COG5: variants seen among roughly 807,000 people sequenced by gnomAD.
COG5 encodes the protein conserved oligomeric Golgi complex subunit 5.
In COG5, 86 loss-of-function variants were observed where a neutral mutation model predicts 110.4. The observed-to-expected ratio is 0.78, with a 90% CI of 0.65 to 0.93. COG5 has a LOEUF of 0.93. Ranked by LOEUF, COG5 falls within the 40% of genes least tolerant of loss-of-function variation. COG5 has a pLI of 0.00. For missense variants in COG5, 1,077 were observed against 987.0 expected, an observed-to-expected ratio of 1.09 and a Z score of -1.22; for synonymous variants, 360 against 334.6, an observed-to-expected ratio of 1.08 and a Z score of -0.83.
intron 6 of COG5, among the ~76,000 whole-genome samples, chr7:107,428,380 G>A (rs1793791913): frequency 1.3e-5 from 2 of 152,120 alleles, no homozygotes; most frequent in Non-Finnish European, 2.9e-5. Context: ...TTTGGACCCA[G>A]CTACAGAGAG....
At chr7:107,453,714 G>A (rs1795493496) in intron 6 of COG5, among the ~76,000 whole-genome samples, 1 of 152,022 alleles carries the variant, frequency 6.6e-6, no homozygotes, top group African/African-American at 2.4e-5. Context: ...AGCACAATAT[G>A]GCACAGATTT....
Position 107,203,589 on chromosome 7 carries a change from T to C in COG5, c.2417A>G (p.Glu806Gly), listed in dbSNP as rs1337266829. Residue 806 changes from glutamate to glycine, a missense_variant, in exon 22 of 22, where the codon GAA becomes GGA. Physicochemically the swap from Glu to Gly is moderately conservative, Grantham distance 98. Coordinates refer to ENST00000297135, the MANE Select transcript of COG5 (RefSeq NM_006348.5). ...ATAAACTGGTGCAAATTCTTTGCCT[T>C]CTCTACTTCTCACTGATTGAACATA... ...EAYVQSVRSR[E>G]GKEFAPVYPI... 6.2e-7 allele frequency: 1 copy of C among 1,613,990 alleles called. No homozygotes were observed. The highest frequency in any genetic ancestry group is 8.5e-7 in the Non-Finnish European group (1 of 1,179,984).
chr7:107,293,056 C>G (rs1806306831), intron 12 of COG5, among the ~76,000 whole-genome samples: 1 of 152,112 alleles, frequency 6.6e-6, no homozygotes, highest in South Asian at 2.1e-4. Flanking sequence ...GCAGCCCAAC[C>G]CTCAGTTTGG....
chr7:107,417,553 C>T (rs561667582), intron 6 of COG5, among the ~76,000 whole-genome samples: 3 of 152,074 alleles, frequency 2.0e-5, no homozygotes, highest in African/African-American at 7.2e-5. Context: ...GAATTATTTT[C>T]TTGGGAGAGA....
At chr7:107,552,596 A>G (rs1802990677) in intron 3 of COG5, among the ~76,000 whole-genome samples, 1 of 152,248 alleles carries the variant, frequency 6.6e-6, no homozygotes, top group African/African-American at 2.4e-5. Flanking sequence ...CACACCATTC[A>G]GAATGACTAT....
intron 6 of COG5, among the ~76,000 whole-genome samples, chr7:107,510,315 T>C (rs1332212607): frequency 1.3e-5 from 2 of 152,086 alleles, no homozygotes; most frequent in African/African-American, 4.8e-5. Context: ...CATTACATAA[T>C]GGTAAAGGGA....
chr7:107,280,703 T>C (rs765437699), intron 14 of COG5, among the ~76,000 whole-genome samples: 1 of 152,202 alleles, frequency 6.6e-6, no homozygotes, highest in East Asian at 1.9e-4. Flanking sequence ...CAAACATTAA[T>C]GTATAGAATT....
At chr7:107,257,971 CAT>C (rs1415659579) in intron 15 of COG5, among the ~76,000 whole-genome samples, 5 of 152,196 alleles carry the variant, frequency 3.3e-5, no homozygotes, top group East Asian at 1.9e-4. Flanking sequence ...TATCAAATTA[CAT>C]GTTTCAATAA....
chr7:107,532,373 A>T (rs1180387969), intron 5 of COG5, among the ~76,000 whole-genome samples: 1 of 152,196 alleles, frequency 6.6e-6, no homozygotes, highest in Non-Finnish European at 1.5e-5. Context: ...CAGCATTTCA[A>T]GACCACATTC....
At chr7:107,486,116 G>A (rs760067077) in intron 6 of COG5, among the ~76,000 whole-genome samples, 4 of 151,920 alleles carry the variant, frequency 2.6e-5, no homozygotes, top group Non-Finnish European at 4.4e-5. Context: ...GGTTATATTC[G>A]TGTTTGCCAG....
intron 16 of COG5, among the ~76,000 whole-genome samples, chr7:107,254,816 C>T (rs891305108): frequency 2.0e-5 from 3 of 152,166 alleles, no homozygotes; most frequent in African/African-American, 7.2e-5. Flanking sequence ...AAAGTGAAGG[C>T]ACTCTGTCTT....
intron 19 of COG5, among the ~76,000 whole-genome samples, chr7:107,214,227 C>A (rs541619701): frequency 6.6e-6 from 1 of 151,934 alleles, no homozygotes; most frequent in African/African-American, 2.4e-5. Context: ...AAATAAAAGA[C>A]AAAAAAATTG....
At chr7:107,336,084 T>C (rs1336695208) in intron 10 of COG5, among the ~76,000 whole-genome samples, 3 of 152,230 alleles carry the variant, frequency 2.0e-5, no homozygotes, top group East Asian at 1.9e-4. Context: ...AAATAAAATA[T>C]ATCAAAAAGA....
chr7:107,444,227 C>T (rs938615311), intron 6 of COG5, among the ~76,000 whole-genome samples: 5 of 152,146 alleles, frequency 3.3e-5, no homozygotes, highest in African/African-American at 9.7e-5. Context: ...GCTAATACTA[C>T]CACAATCTCC....
chr7:107,398,975 G>A (rs1791224610), intron 7 of COG5, among the ~76,000 whole-genome samples: 1 of 152,144 alleles, frequency 6.6e-6, no homozygotes. Context: ...GCCGAAGCAG[G>A]GAGATCACCT....
intron 6 of COG5, among the ~76,000 whole-genome samples, chr7:107,462,288 A>T (rs1052007416): frequency 6.6e-6 from 1 of 152,182 alleles, no homozygotes; most frequent in African/African-American, 2.4e-5. Flanking sequence ...GAAAATATAG[A>T]AGCCAGAGGA....
At chr7:107,207,869 T>C (rs913775353) in intron 21 of COG5, 2 of 985,322 alleles carry the variant, frequency 2.0e-6, no homozygotes, top group South Asian at 4.7e-5. Flanking sequence ...TTCCCATTTA[T>C]TCAGCAGCAG....
intron 3 of COG5, among the ~76,000 whole-genome samples, chr7:107,551,471 A>G (rs1802886028): frequency 6.6e-6 from 1 of 152,246 alleles, no homozygotes; most frequent in South Asian, 2.1e-4. Flanking sequence ...CATATTTAGG[A>G]GAATAAAGCA....
intron 8 of COG5, among the ~76,000 whole-genome samples, chr7:107,364,749 G>C (rs1813444946): frequency 6.6e-6 from 1 of 152,112 alleles, no homozygotes; most frequent in African/African-American, 2.4e-5. Context: ...ATTCAGAAAA[G>C]AATTACATGT....
Sources: allele counts gnomAD v4.1 joint callset (sites outside exome capture counted in the v4.1 genomes callset), GRCh38; gene constraint gnomAD v4.1.1; transcripts MANE v1.5; gene names NCBI Gene and HGNC (gene_info 2026-07-23, HGNC 2026-07-21).